The following SULF1 variants were observed in gnomAD, a reference collection of about 807,000 sequenced individuals.
SULF1 encodes sulfatase 1.
In SULF1, 46 loss-of-function variants were observed where a neutral mutation model predicts 110.5. The ratio of observed to expected loss-of-function variants is 0.42; its 90% CI spans 0.33 to 0.53. The LOEUF is 0.53. Ranked by LOEUF, SULF1 falls within the 20% of genes least tolerant of loss-of-function variation. The pLI, the probability that SULF1 is intolerant of heterozygous loss-of-function variation, is 0.12. For synonymous variants in SULF1, 371 were observed against 387.1 expected, an observed-to-expected ratio of 0.96 and a Z score of 0.49; for missense variants, 941 against 1,094.2, an observed-to-expected ratio of 0.86 and a Z score of 1.98.
chr8:69,649,597 C>T (rs1440600274), intron 22 of SULF1, among the ~76,000 whole-genome samples: 1 of 152,178 alleles, frequency 6.6e-6, no homozygotes, highest in African/African-American at 2.4e-5. Flanking sequence ...AACAGTTCCT[C>T]AACTTCTCAT....
chr8:69,620,526 A>G (rs1341560198), intron 13 of SULF1, among the ~76,000 whole-genome samples: 2 of 152,224 alleles, frequency 1.3e-5, no homozygotes, highest in African/African-American at 4.8e-5. Context: ...TGTCTGGGGT[A>G]TATGAGAGTT....
At chr8:69,496,870 T>A (rs1810398489) in intron 2 of SULF1, among the ~76,000 whole-genome samples, 1 of 152,252 alleles carries the variant, frequency 6.6e-6, no homozygotes, top group Admixed American at 6.5e-5. Context: ...GAGTCCAAAC[T>A]GTTGCTGGAT....
At chr8:69,630,973 C>T (rs564023439) in intron 19 of SULF1, among the ~76,000 whole-genome samples, 1 of 151,720 alleles carries the variant, frequency 6.6e-6, no homozygotes, top group African/African-American at 2.4e-5. Context: ...CCCCCCTGCC[C>T]CCACCCTGCA....
intron 1 of SULF1, among the ~76,000 whole-genome samples, chr8:69,483,818 T>C (rs1245006055): frequency 6.6e-6 from 1 of 152,100 alleles, no homozygotes; most frequent in African/African-American, 2.4e-5. Flanking sequence ...AAACATTCTC[T>C]TAAAGAACAA....
chr8:69,652,976 T>A (rs540974005), intron 22 of SULF1, among the ~76,000 whole-genome samples: 1 of 152,360 alleles, frequency 6.6e-6, no homozygotes, highest in African/African-American at 2.4e-5. Flanking sequence ...GGTTTTTCTT[T>A]TAACAGCATC....
At chr8:69,640,952 G>T (rs984120558) in intron 22 of SULF1, 111 bp downstream of exon 22, 8 of 916,120 alleles carry the variant, frequency 8.7e-6, no homozygotes, top group African/African-American at 1.7e-5. Context: ...AAAGCTGGGG[G>T]TGCATGCTTG....
At chr8:69,482,165 G>C (rs1809541513) in intron 1 of SULF1, among the ~76,000 whole-genome samples, 1 of 152,128 alleles carries the variant, frequency 6.6e-6, no homozygotes, top group South Asian at 2.1e-4. Context: ...GGATGACACA[G>C]AGGGTGAGGG....
intron 22 of SULF1, among the ~76,000 whole-genome samples, chr8:69,654,805 T>C (rs1420754517): frequency 1.3e-5 from 2 of 152,190 alleles, no homozygotes; most frequent in Non-Finnish European, 2.9e-5. Flanking sequence ...TCTCCCCACA[T>C]TTTAGACAGC....
At chr8:69,603,706 C>G in intron 12 of SULF1, 50 bp downstream of exon 12, 1 of 1,227,800 alleles carries the variant, frequency 8.1e-7, no homozygotes, top group Middle Eastern at 1.9e-4. Context: ...TAGTGGGCAG[C>G]TTTCCCTGCT....
At chr8:69,631,571 T>C (rs1810548133) in intron 19 of SULF1, among the ~76,000 whole-genome samples, 1 of 152,166 alleles carries the variant, frequency 6.6e-6, no homozygotes, top group South Asian at 2.1e-4. Context: ...TAAAATAAAA[T>C]ATAGCAAAAT....
chr8:69,586,508 G>T lies in SULF1; in HGVS notation c.564G>T (p.Lys188Asn). 6.2e-7 allele frequency: 1 copy of T among 1,608,050 alleles called. No homozygotes were observed. The highest frequency in any genetic ancestry group is 8.5e-7 in the Non-Finnish European group (1 of 1,179,006). The change falls in exon 7 of 23, where the codon AAG becomes AAT. Residue 188 changes from lysine to asparagine, a missense_variant and splice_region_variant. Lys to Asn is a moderately conservative substitution (Grantham distance 94). Around this residue, in one of 3 missense-constraint regions of SULF1, gnomAD observed 822 missense variants for 934.3 expected, o/e 0.88. Transcript: ENST00000402687. ...AAAAGCATGGATTTGATTATGCAAAGGTAATTTTCAGGCACTTTTACACTG... is the reference window on the plus strand; with the variant it reads ...AAAAGCATGGATTTGATTATGCAAATGTAATTTTCAGGCACTTTTACACTG... Reference protein sequence around the residue: ...IKEKHGFDYAKDYFTDLITNE... With the variant: ...IKEKHGFDYANDYFTDLITNE...
intron 6 of SULF1, among the ~76,000 whole-genome samples, chr8:69,583,503 G>C (rs369261181): frequency 6.7e-6 from 1 of 149,916 alleles, no homozygotes; most frequent in Non-Finnish European, 1.5e-5. Context: ...GAACCCAAGA[G>C]GCAGAGGTTG....
At chr8:69,634,568 A>G (rs530673096) in intron 19 of SULF1, among the ~76,000 whole-genome samples, 42 of 152,260 alleles carry the variant, frequency 2.8e-4, no homozygotes, top group African/African-American at 9.9e-4. Flanking sequence ...CAGGAGTTCA[A>G]GACCAGCCTG....
At chr8:69,628,597 GAA>G (rs1304214077) in intron 18 of SULF1, among the ~76,000 whole-genome samples, 29 of 152,248 alleles carry the variant, frequency 1.9e-4, no homozygotes, top group African/African-American at 7.0e-4. Flanking sequence ...GAGCAGCCTG[GAA>G]TAGTGCTGAA....
chr8:69,508,992 A>G (rs150098165), intron 3 of SULF1, among the ~76,000 whole-genome samples: 57 of 152,326 alleles, frequency 3.7e-4, no homozygotes, highest in African/African-American at 1.3e-3. Context: ...GAGTCAAGAT[A>G]TCGGCTCTGG....
chr8:69,569,502 G>A (rs1056900545), intron 5 of SULF1, among the ~76,000 whole-genome samples: 1 of 152,214 alleles, frequency 6.6e-6, no homozygotes, highest in Non-Finnish European at 1.5e-5. Context: ...CCCCACTACT[G>A]TGTTGTCCCT....
chr8:69,619,527 A>G (rs891904141), intron 13 of SULF1, among the ~76,000 whole-genome samples: 3 of 152,214 alleles, frequency 2.0e-5, no homozygotes, highest in Non-Finnish European at 4.4e-5. Flanking sequence ...TCCAGAGGCA[A>G]TGTCATATTT....
intron 3 of SULF1, among the ~76,000 whole-genome samples, chr8:69,503,713 C>A (rs1467150879): frequency 2.6e-5 from 4 of 152,202 alleles, no homozygotes; most frequent in Non-Finnish European, 4.4e-5. Flanking sequence ...CCTTCATCTT[C>A]TGAAGAGGTC....
intron 13 of SULF1, among the ~76,000 whole-genome samples, chr8:69,611,267 A>G (rs1490250100): frequency 2.0e-5 from 3 of 152,244 alleles, no homozygotes; most frequent in Non-Finnish European, 4.4e-5. Context: ...CTGGTTGTCA[A>G]TCATTGGCCA....
Sources: allele counts gnomAD v4.1 joint callset (sites outside exome capture counted in the v4.1 genomes callset), GRCh38; gene constraint gnomAD v4.1.1; regional missense constraint gnomAD v4.1.1; transcripts MANE v1.5; gene names NCBI Gene and HGNC (gene_info 2026-07-23, HGNC 2026-07-21).